The following GRPR variants were observed in gnomAD, a reference collection of about 807,000 sequenced individuals.
GRPR encodes the protein gastrin releasing peptide receptor.
In GRPR, 4 loss-of-function variants were observed where a neutral mutation model predicts 15.6. That is an observed-to-expected ratio of 0.26 (90% CI 0.13 to 0.59). The LOEUF (loss-of-function observed/expected upper bound fraction) is 0.59, where lower values mean the gene tolerates loss of function less well. Among genes scored for constraint, GRPR ranks in the 20% least tolerant of loss-of-function variants. The pLI is 0.90. For synonymous variants in GRPR, 128 were observed against 126.8 expected (o/e 1.01, Z -0.06); for missense variants, 270 against 304.1 (o/e 0.89, Z 0.83).
At chrX:16,141,575 G>T (rs2147034369) in intron 1 of GRPR, among the ~76,000 whole-genome samples, 1 of 111,907 alleles carries the variant, frequency 8.9e-6, no homozygotes, top group Non-Finnish European at 1.9e-5. Flanking sequence ...CTAGGCCTCA[G>T]GCCATAGGGA....
At chrX:16,151,668 C>G (rs1221557285) in intron 2 of GRPR, among the ~76,000 whole-genome samples, 2 of 112,018 alleles carry the variant, frequency 1.8e-5, no homozygotes, top group Non-Finnish European at 3.8e-5. Flanking sequence ...ATGCCCATCC[C>G]TCTTTGCCAC....
chrX:16,145,525 T>G (rs1171602764), intron 1 of GRPR, among the ~76,000 whole-genome samples: 1 of 111,918 alleles, frequency 8.9e-6, no homozygotes, highest in African/African-American at 3.2e-5. Flanking sequence ...CGGGAGGCAG[T>G]GGTGGTTAAT....
intron 1 of GRPR, among the ~76,000 whole-genome samples, chrX:16,142,913 C>T (rs1922550700): frequency 9.1e-6 from 1 of 109,650 alleles, no homozygotes; most frequent in South Asian, 4.0e-4. Flanking sequence ...TCTTTTCTGT[C>T]TTCTCCCCTT....
chrX:16,152,668 T>C lies in GRPR; in HGVS notation c.*23T>C. The C allele has an allele frequency of 3.4e-6, 4 of 1,181,738 alleles. No individual in the cohort carries two copies. The South Asian group carries it at 5.3e-5, about 16-fold the overall frequency. ...TAGATTGACCCTTGATTTTGCCCCC[T>C]GAGGGACGGTTTTGCTTTATGGCTA... On this transcript the variant is annotated 3_prime_UTR_variant, in exon 3 of 3. Coordinates refer to ENST00000380289, the MANE Select transcript of GRPR (RefSeq NM_005314.3).
At chrX:16,140,931 C>T (rs1922522406) in intron 1 of GRPR, among the ~76,000 whole-genome samples, 1 of 111,648 alleles carries the variant, frequency 9.0e-6, no homozygotes, top group Non-Finnish European at 1.9e-5. Context: ...TTTTTTCCCC[C>T]GTTCTCTGTG....
At chrX:16,137,834 C>T (rs1301866622) in intron 1 of GRPR, among the ~76,000 whole-genome samples, 1 of 111,348 alleles carries the variant, frequency 9.0e-6, no homozygotes, top group African/African-American at 3.3e-5. Context: ...GAAGACATCA[C>T]AGGCCAGACA....
At position 16,153,370 on chromosome X, in the gene GRPR, A is replaced by G. The variant is rs1914464405; in HGVS notation, c.*725A>G. On this transcript the variant is annotated 3_prime_UTR_variant, in exon 3 of 3. Transcript: ENST00000380289. Reference sequence around the variant, plus strand: ...AAAGATCCACGCGTGGCTGTGCGTGATATCTCACACTCTGAATTCTTACTT... The same window carrying G: ...AAAGATCCACGCGTGGCTGTGCGTGGTATCTCACACTCTGAATTCTTACTT... 1 of 112,096 alleles carries G rather than the reference A, an allele frequency of 8.9e-6. No homozygotes were observed. Among genetic ancestry groups the G allele is most frequent in the African/African-American group, 3.2e-5 (1 of 30,842 alleles). 9.2% of individuals were successfully genotyped at this position (112,096 alleles called of 1,213,427 possible).
rs927664499 is a variant in GRPR, at chrX:16,151,439, C to T, written c.765+783C>T. ...GATGGAAAAGCAGAAACACTCCCCA[C>T]TCCATTTCAGTGAATAGCTGACTCA... is the stretch of plus-strand genomic sequence containing the variant. On this transcript the variant is annotated intron_variant, in intron 2 of 2. Transcript: ENST00000380289. 2.7e-5 allele frequency among the ~76,000 whole-genome samples: 3 copies of T among 111,957 alleles called. No individual in the cohort carries two copies. The Admixed American group carries it at 2.8e-4, about 11-fold the overall frequency.
chrX:16,151,484 A>G (rs1414756471), intron 2 of GRPR, among the ~76,000 whole-genome samples: 1 of 111,785 alleles, frequency 8.9e-6, no homozygotes, highest in Admixed American at 9.4e-5. Flanking sequence ...CTTACCCTTT[A>G]ACGTTCATTA....
At chrX:16,142,477 C>A (rs775033175) in intron 1 of GRPR, among the ~76,000 whole-genome samples, 34 of 110,958 alleles carry the variant, frequency 3.1e-4, no homozygotes, top group East Asian at 2.8e-4. Context: ...CCTCACCTTT[C>A]ACCCCTAAGT....
chrX:16,126,456 A>G (rs775881668), intron 1 of GRPR, among the ~76,000 whole-genome samples: 3 of 111,923 alleles, frequency 2.7e-5, no homozygotes, highest in Non-Finnish European at 3.8e-5. Flanking sequence ...TTTCTTCTCA[A>G]CAAGGTGTAA....
chrX:16,147,766 C>T (rs1170511161), intron 1 of GRPR, among the ~76,000 whole-genome samples: 1 of 111,941 alleles, frequency 8.9e-6, no homozygotes, highest in Non-Finnish European at 1.9e-5. Flanking sequence ...GGACGTAAGC[C>T]ATTTACTCTG....
chrX:16,125,235 CACTT>C (rs1354255089), intron 1 of GRPR, among the ~76,000 whole-genome samples: 3 of 112,556 alleles, frequency 2.7e-5, no homozygotes, highest in Non-Finnish European at 3.8e-5. Context: ...ATGTAAGAAA[CACTT>C]ACCTGAATTA....
Position 16,152,464 on chromosome X carries a change from T to A in GRPR, c.974T>A (p.Leu325Gln). ...GTGAACCCCTTTGCCCTCTACCTGC[T>A]GAGCAAGAGTTTCAGGAAACAGTTC... is the stretch of plus-strand genomic sequence containing the variant. ...SCVNPFALYL[L>Q]SKSFRKQFNT... The change falls in exon 3 of 3, where the codon CTG becomes CAG. Residue 325 changes from leucine (L) to glutamine (Q), a missense_variant. Transcript: ENST00000380289. 8.3e-7 allele frequency: 1 copy of A among 1,210,253 alleles called. No individual in the cohort carries two copies. Among genetic ancestry groups the A allele is most frequent in the Non-Finnish European group, 1.1e-6 (1 of 894,039 alleles).
Position 16,148,159 on chromosome X carries a change from C to T in GRPR, c.414-2146C>T, listed in dbSNP as rs1922635095. Among the ~76,000 whole-genome samples the T allele has an allele frequency of 5.4e-5, 6 of 111,566 alleles. No individual in the cohort carries two copies. The Admixed American group carries it at 5.7e-4, about 11-fold the overall frequency. ...TGGGGATGTTTAATAAATAATAGCC[C>T]TCTCTTCCCTACCTAATTTGAGAAC... is the stretch of plus-strand genomic sequence containing the variant. On this transcript the variant is annotated intron_variant, in intron 1 of 2. Transcript: ENST00000380289.
In GRPR at chrX:16,150,525, A is replaced by G. The variant is rs781509886; in HGVS notation, c.634A>G (p.Met212Val). The change falls in exon 2 of 3, where the codon ATG becomes GTG. Residue 212 changes from methionine to valine, a missense_variant. Physicochemically the swap from Met to Val is conservative, Grantham distance 21. This residue lies in a region of GRPR where 22 missense variants were observed against 51.9 expected (regional missense o/e 0.42). Coordinates refer to ENST00000380289, the MANE Select transcript of GRPR (RefSeq NM_005314.3). ...TGAGCTTCACCCCAAAATCCATTCT[A>G]TGGCTTCCTTTCTGGTCTTCTACGT... ...SNELHPKIHS[M>V]ASFLVFYVIP... is the part of the protein sequence containing the mutation. The G allele has an allele frequency of 4.2e-6, 5 of 1,196,403 alleles. No homozygotes were observed. Among genetic ancestry groups the G allele is most frequent in the East Asian group, 3.0e-5 (1 of 33,731 alleles).
In GRPR at chrX:16,123,938, G is replaced by GA. The variant is rs763586123; in HGVS notation, c.-8dup. The GA allele has an allele frequency of 2.3e-5, 27 of 1,199,455 alleles. No homozygotes were observed. Among genetic ancestry groups the GA allele is most frequent in the African/African-American group, 3.5e-5 (2 of 56,840 alleles). On this transcript the variant is annotated 5_prime_UTR_variant, in exon 1 of 3. Coordinates refer to ENST00000380289, the MANE Select transcript of GRPR (RefSeq NM_005314.3). ...AGCATCTAAGGGAACTTTTAGGTGG[G>GA]AAAAAAAATCTAGAGATGGCTCTAA...
rs192252725 is a variant in GRPR, at chrX:16,123,996, C to A, written c.43C>A (p.His15Asn). Residue 15 changes from histidine to asparagine, a missense_variant, in exon 1 of 3, where the codon CAT becomes AAT. Physicochemically the swap from His to Asn is moderately conservative, Grantham distance 68 (BLOSUM62 1). Transcript: ENST00000380289. ...TTTCCTTCTGAACTTGGAGGTGGACCATTTCATGCACTGCAACATCTCCAG... is the reference window on the plus strand; with the variant it reads ...TTTCCTTCTGAACTTGGAGGTGGACAATTTCATGCACTGCAACATCTCCAG... ...DCFLLNLEVD[H>N]FMHCNISSHS... 2 of 1,207,225 alleles carry A rather than the reference C, an allele frequency of 1.7e-6. No individual in the cohort carries two copies. The highest frequency in any genetic ancestry group is 1.8e-5 in the South Asian group (1 of 56,807).
At chrX:16,144,488 C>A (rs1027332194) in intron 1 of GRPR, among the ~76,000 whole-genome samples, 34 of 111,650 alleles carry the variant, frequency 3.0e-4, no homozygotes, top group African/African-American at 9.8e-4. Flanking sequence ...CTACAGACTT[C>A]CGTAGGTAAT....
Sources: gnomAD v4.1 joint callset for allele counts (sites outside exome capture counted in the v4.1 genomes callset) on GRCh38, gnomAD v4.1.1 for gene constraint, gnomAD v4.1.1 regional missense constraint, MANE v1.5 for transcripts, NCBI Gene and HGNC (gene_info 2026-07-23, HGNC 2026-07-21) for gene names.